The following EFCAB6 variants were observed in gnomAD, a reference collection of about 807,000 sequenced individuals.
The protein encoded by EFCAB6 is EF-hand calcium-binding domain-containing protein 6.
EFCAB6 carries 156 observed loss-of-function variants against 169.8 expected under a neutral mutation model. The ratio of observed to expected loss-of-function variants is 0.92; its 90% CI spans 0.81 to 1.05. EFCAB6 has a LOEUF of 1.05. Ranked by LOEUF, EFCAB6 falls within the 50% of genes least tolerant of loss-of-function variation. The pLI is 0.00. For synonymous variants in EFCAB6, 698 were observed against 676.4 expected (o/e 1.03, Z -0.50); for missense variants, 1,800 against 1,829.1 (o/e 0.98, Z 0.29).
At chr22:43,661,143 C>T (rs950887323) in intron 17 of EFCAB6, among the ~76,000 whole-genome samples, 9 of 152,104 alleles carry the variant, frequency 5.9e-5, no homozygotes, top group African/African-American at 1.9e-4. Flanking sequence ...GGGAAGCCAA[C>T]ACAGGAGGAT....
chr22:43,713,664 A>T (rs2059235773), intron 9 of EFCAB6, among the ~76,000 whole-genome samples: 1 of 152,246 alleles, frequency 6.6e-6, no homozygotes, highest in South Asian at 2.1e-4. Context: ...TCTGTGGACC[A>T]GAAGCTAAGC....
At chr22:43,654,504 G>GC (rs2056638143) in intron 17 of EFCAB6, among the ~76,000 whole-genome samples, 1 of 152,258 alleles carries the variant, frequency 6.6e-6, no homozygotes, top group Non-Finnish European at 1.5e-5. Flanking sequence ...AAGGGCACCC[G>GC]CCTCTGCGGT....
intron 5 of EFCAB6, among the ~76,000 whole-genome samples, chr22:43,763,711 C>G (rs1278024348): frequency 6.6e-6 from 1 of 151,450 alleles, no homozygotes; most frequent in Non-Finnish European, 1.5e-5. Flanking sequence ...TATTAATTGG[C>G]TTTTGTGGGT....
intron 10 of EFCAB6, among the ~76,000 whole-genome samples, chr22:43,706,595 T>G (rs1282624678): frequency 6.6e-6 from 1 of 152,200 alleles, no homozygotes; most frequent in Non-Finnish European, 1.5e-5. Flanking sequence ...GGCAAACATA[T>G]GCAAAATTAT....
chr22:43,629,688 G>C (rs1391289904), intron 19 of EFCAB6, among the ~76,000 whole-genome samples: 1 of 152,164 alleles, frequency 6.6e-6, no homozygotes, highest in Non-Finnish European at 1.5e-5. Flanking sequence ...CTGATGTGAA[G>C]GGCTTGAGAA....
At chr22:43,571,987 C>T (rs1033282238) in intron 26 of EFCAB6, among the ~76,000 whole-genome samples, 3 of 152,168 alleles carry the variant, frequency 2.0e-5, no homozygotes, top group Non-Finnish European at 4.4e-5. Context: ...TCCTCCTAGG[C>T]CAATTTAGGG....
chr22:43,710,482 G>A (rs1224683147), intron 10 of EFCAB6, among the ~76,000 whole-genome samples: 1 of 152,190 alleles, frequency 6.6e-6, no homozygotes, highest in Non-Finnish European at 1.5e-5. Context: ...CTCACTTTTG[G>A]AGGATGCCAG....
In EFCAB6 at chr22:43,628,920, G is replaced by T. The variant is rs1425945163; in HGVS notation, c.2233-2241C>A. 6.6e-6 allele frequency among the ~76,000 whole-genome samples: 1 copy of T among 152,102 alleles called. No individual in the cohort carries two copies. Among genetic ancestry groups the T allele is most frequent in the Non-Finnish European group, 1.5e-5 (1 of 68,018 alleles). On this transcript the variant is annotated intron_variant, in intron 19 of 31. Coordinates refer to ENST00000262726, the MANE Select transcript of EFCAB6 (RefSeq NM_022785.4). This position sits in a 1 kb window ranked among gnomAD's most constrained non-coding sequence, Gnocchi z 4.8. ...TTCCCTGTTGCAGCTCCAGCTCTCCGAGCCATGCTCACCATAACGTCTGTG... is the reference window on the plus strand; with the variant it reads ...TTCCCTGTTGCAGCTCCAGCTCTCCTAGCCATGCTCACCATAACGTCTGTG...
At chr22:43,689,328 G>A (rs984876955) in intron 10 of EFCAB6, among the ~76,000 whole-genome samples, 1 of 141,000 alleles carries the variant, frequency 7.1e-6, no homozygotes, top group African/African-American at 2.7e-5. Flanking sequence ...GGGAGAGTGG[G>A]CCACGTGAGG....
chr22:43,615,122 A>G (rs1029457306), intron 21 of EFCAB6, among the ~76,000 whole-genome samples: 4 of 152,266 alleles, frequency 2.6e-5, no homozygotes, highest in African/African-American at 9.6e-5. Context: ...AAGTGGAGGT[A>G]TTTTTCAAAA....
chr22:43,768,987 C>T (rs917473253), intron 4 of EFCAB6, among the ~76,000 whole-genome samples: 14 of 152,138 alleles, frequency 9.2e-5, no homozygotes, highest in Non-Finnish European at 4.4e-5. Context: ...GGCAGTTCTC[C>T]CCTAGGTATG....
intron 12 of EFCAB6, among the ~76,000 whole-genome samples, chr22:43,678,462 G>A (rs1569369829): frequency 6.6e-6 from 1 of 151,782 alleles, no homozygotes; most frequent in Non-Finnish European, 1.5e-5. Flanking sequence ...CTCAAGCTCA[G>A]GTTGACTCCC....
At chr22:43,664,733 G>A (rs1386101876) in intron 17 of EFCAB6, among the ~76,000 whole-genome samples, 1 of 152,186 alleles carries the variant, frequency 6.6e-6, no homozygotes, top group Non-Finnish European at 1.5e-5. Context: ...GGAGTTTCTT[G>A]AGCAAGGGGA....
chr22:43,661,210 AC>A (rs1343800583), intron 17 of EFCAB6, among the ~76,000 whole-genome samples: 1 of 151,992 alleles, frequency 6.6e-6, no homozygotes, highest in East Asian at 1.9e-4. Context: ...CCTCATCTCT[AC>A]AAAAAAATTT....
chr22:43,757,050 G>C (rs1231838010), intron 5 of EFCAB6, among the ~76,000 whole-genome samples: 1 of 152,152 alleles, frequency 6.6e-6, no homozygotes, highest in Non-Finnish European at 1.5e-5. Context: ...ACTTCAAAGG[G>C]TAAGGGGAAG....
rs2060469368 is a variant in EFCAB6 at position 43,744,018 on chromosome 22, AATG to A, written c.508-8028_508-8026del. On this transcript the variant is annotated intron_variant, in intron 6 of 31. Transcript: ENST00000262726. This position sits in a 1 kb window ranked among gnomAD's most constrained non-coding sequence, Gnocchi z 4.3. ...GGATGAATGAATGGATGAAGGGATG[AATG>A]ATGAATGAATGAATGAATGAATGGG... Among the ~76,000 whole-genome samples, 1 of 151,900 alleles carries A rather than the reference AATG, an allele frequency of 6.6e-6. No homozygotes were observed.
At chr22:43,648,153 T>G (rs1160819474) in intron 17 of EFCAB6, among the ~76,000 whole-genome samples, 1 of 152,072 alleles carries the variant, frequency 6.6e-6, no homozygotes, top group Non-Finnish European at 1.5e-5. Flanking sequence ...ATATCCTCAT[T>G]TAATCCTTCT....
rs774727095 is a variant in EFCAB6 at position 43,635,126 on chromosome 22, G to A, written c.2074C>T (p.Leu692Phe). 5 of 1,614,110 alleles carry A rather than the reference G, an allele frequency of 3.1e-6. No individual in the cohort carries two copies. Among genetic ancestry groups the A allele is most frequent in the Non-Finnish European group, 4.2e-6 (5 of 1,180,010 alleles). ...IGFEKEGMSYLDFAAGFEDPP... is the reference protein window; with the variant it reads ...IGFEKEGMSYFDFAAGFEDPP... Reference sequence around the variant, plus strand: ...CCTTCAAATCCTGCTGCAAAATCAAGATAGCTCATCCCTTCCTTCTCGAAG... The same window carrying A: ...CCTTCAAATCCTGCTGCAAAATCAAAATAGCTCATCCCTTCCTTCTCGAAG... The change falls in exon 18 of 32, where the codon CTT becomes TTT. Residue 692 changes from leucine to phenylalanine, a missense_variant. Physicochemically the swap from Leu to Phe is conservative, Grantham distance 22. Coordinates refer to ENST00000262726, the MANE Select transcript of EFCAB6 (RefSeq NM_022785.4).
intron 5 of EFCAB6, among the ~76,000 whole-genome samples, chr22:43,764,146 T>C (rs370074477): frequency 4.6e-5 from 7 of 152,310 alleles, no homozygotes; most frequent in Admixed American, 6.5e-5. Context: ...GGGGTACAAA[T>C]AATCCTGTCA....
Sources: allele counts gnomAD v4.1 joint callset (sites outside exome capture counted in the v4.1 genomes callset), GRCh38; gene constraint gnomAD v4.1.1; non-coding constraint Gnocchi (gnomAD v3.1); transcripts MANE v1.5; gene names NCBI Gene and HGNC (gene_info 2026-07-23, HGNC 2026-07-21).